The following DEK variants were observed in gnomAD, a reference collection of about 807,000 sequenced individuals.
DEK encodes DEK proto-oncogene, also known as protein DEK.
DEK carries 28 observed loss-of-function variants against 46.8 expected under a neutral mutation model. The observed-to-expected ratio is 0.60, with a 90% CI of 0.44 to 0.82. DEK has a LOEUF of 0.82. DEK is among the 40% of genes least tolerant of loss of function. DEK has a pLI of 0.00. For missense variants in DEK, 416 were observed against 430.6 expected, an observed-to-expected ratio of 0.97 and a Z score of 0.30; for synonymous variants, 160 against 144.5, an observed-to-expected ratio of 1.11 and a Z score of -0.77.
chr6:18,224,493 G>T lies in DEK; in HGVS notation c.*1226C>A. The T allele has an allele frequency of 5.0e-6, 1 of 200,900 alleles. No individual in the cohort carries two copies. Among genetic ancestry groups the T allele is most frequent in the Middle Eastern group, 1.8e-3 (1 of 570 alleles). The allele number at this position is 200,900 out of a possible 1,614,324, so 12.4% of individuals were successfully genotyped here. Reference sequence around the variant, plus strand: ...CTGATTTAAGACAGTAAATTTGAAAGACAAAATTAAGTCTCATTCAGGAGT... The same window carrying T: ...CTGATTTAAGACAGTAAATTTGAAATACAAAATTAAGTCTCATTCAGGAGT... On this transcript the variant is annotated 3_prime_UTR_variant, in exon 11 of 11. Transcript: ENST00000652689.
intron 2 of DEK, among the ~76,000 whole-genome samples, chr6:18,259,430 A>AAAAATAAAT (rs1554162685): frequency 1.0e-5 from 1 of 96,742 alleles, no homozygotes; most frequent in Non-Finnish European, 2.4e-5. Flanking sequence ...AAAAAAAAAA[A>AAAAATAAAT]AAATCTAGAA....
At chr6:18,227,478 C>T (rs1790192498) in intron 9 of DEK, among the ~76,000 whole-genome samples, 1 of 152,142 alleles carries the variant, frequency 6.6e-6, no homozygotes, top group African/African-American at 2.4e-5. Context: ...CCACTATTAT[C>T]CTATGACCCT....
At chr6:18,247,364 CCTCT>C (rs530385393) in intron 7 of DEK, among the ~76,000 whole-genome samples, 58 of 152,066 alleles carry the variant, frequency 3.8e-4, no homozygotes, top group African/African-American at 1.2e-3. Flanking sequence ...CAAAAAAATC[CCTCT>C]AATAAAATAT....
chr6:18,226,477 G>C (rs1224336133), intron 9 of DEK, among the ~76,000 whole-genome samples: 1 of 152,182 alleles, frequency 6.6e-6, no homozygotes, highest in Non-Finnish European at 1.5e-5. Context: ...AGTCTGGAAT[G>C]AATTAACTAA....
chr6:18,235,018 A>G (rs1469420889), intron 9 of DEK, among the ~76,000 whole-genome samples: 4 of 152,190 alleles, frequency 2.6e-5, no homozygotes, highest in African/African-American at 9.7e-5. Context: ...GGTATTCACA[A>G]AAATCCTTCT....
intron 9 of DEK, among the ~76,000 whole-genome samples, 154 bp downstream of exon 9, chr6:18,236,298 G>C (rs1023955282): frequency 6.6e-6 from 1 of 152,172 alleles, no homozygotes; most frequent in Admixed American, 6.5e-5. Context: ...ATTTTAAGTG[G>C]TATCCCAGCA....
chr6:18,227,002 T>C (rs368641636), intron 9 of DEK, among the ~76,000 whole-genome samples: 11 of 152,296 alleles, frequency 7.2e-5, no homozygotes, highest in African/African-American at 2.4e-4. Context: ...CACCACTCCC[T>C]AATCTCAAGT....
At chr6:18,251,691 T>C (rs184701240) in intron 6 of DEK, among the ~76,000 whole-genome samples, 464 of 152,330 alleles carry the variant, frequency 3.0e-3, no homozygotes, top group Non-Finnish European at 5.4e-3. Context: ...ATAGCACCGT[T>C]TGGAGAAAAG....
chr6:18,263,832 A>G lies in DEK; in HGVS notation c.145+11T>C, dbSNP rs1791981012. ...TGAAAAATTCATCAGTTGGGATGCG[A>G]CTCCCCCCACCTTTTTCCTCCTCCT... On this transcript the variant is annotated intron_variant, in intron 2 of 10. Transcript: ENST00000652689. 1.2e-6 allele frequency: 2 copies of G among 1,608,768 alleles called. No individual in the cohort carries two copies. The highest frequency in any genetic ancestry group is 2.7e-5 in the African/African-American group (2 of 74,482).
intron 7 of DEK, among the ~76,000 whole-genome samples, chr6:18,239,062 T>A (rs1291936764): frequency 1.3e-5 from 2 of 152,016 alleles, no homozygotes; most frequent in Non-Finnish European, 2.9e-5. Context: ...GTAGCTGGGA[T>A]TACAGGCATG....
At chr6:18,239,219 C>T (rs955563216) in intron 7 of DEK, among the ~76,000 whole-genome samples, 4 of 152,148 alleles carry the variant, frequency 2.6e-5, no homozygotes, top group East Asian at 1.9e-4. Context: ...CCACTGTGCC[C>T]GGCCAAGTCA....
intron 1 of DEK, 76 bp from the exon 2 acceptor site, chr6:18,264,072 T>C: frequency 7.4e-7 from 1 of 1,348,984 alleles, no homozygotes; most frequent in Non-Finnish European, 9.9e-7. Flanking sequence ...CCCTGAATGA[T>C]GCTACCCTTC....
At chr6:18,231,012 A>C (rs1439690024) in intron 9 of DEK, among the ~76,000 whole-genome samples, 1 of 148,104 alleles carries the variant, frequency 6.8e-6, no homozygotes, top group African/African-American at 2.4e-5. Context: ...AATTTTAACA[A>C]ACTCTCTCTC....
At chr6:18,251,407 A>T (rs1342138820) in intron 6 of DEK, among the ~76,000 whole-genome samples, 1 of 152,176 alleles carries the variant, frequency 6.6e-6, no homozygotes, top group African/African-American at 2.4e-5. Flanking sequence ...AAAATTAAGA[A>T]AAAGTGGCTG....
Position 18,264,503 on chromosome 6 carries a change from G to A in DEK, c.-128C>T, listed in dbSNP as rs550263581. ...CGCTGTCTGGCGTGACGCTCGCGCC[G>A]CGCGCTCGGCTCCCCAGAATCAACA... is the stretch of plus-strand genomic sequence containing the variant. On this transcript the variant is annotated 5_prime_UTR_variant, in exon 1 of 11. Coordinates refer to ENST00000652689, the MANE Select transcript of DEK (RefSeq NM_003472.4). 4 of 247,220 alleles carry A rather than the reference G, an allele frequency of 1.6e-5. No individual in the cohort carries two copies. Among genetic ancestry groups the A allele is most frequent in the Non-Finnish European group, 2.4e-5 (3 of 123,276 alleles). The allele number at this position is 247,220 out of a possible 1,614,324, so 15.3% of individuals were successfully genotyped here.
chr6:18,240,717 A>T (rs1160164258), intron 7 of DEK, among the ~76,000 whole-genome samples: 1 of 152,202 alleles, frequency 6.6e-6, no homozygotes, highest in African/African-American at 2.4e-5. Context: ...ACACTTTAGG[A>T]GGCTGAGATG....
chr6:18,264,284 T>G, intron 1 of DEK, 101 bp downstream of exon 1: 3 of 183,092 alleles, frequency 1.6e-5, no homozygotes, highest in Non-Finnish European at 2.2e-5. Flanking sequence ...GCCCTCCACG[T>G]CCCCTCCCCC....
At chr6:18,249,502 A>G (rs1685779902) in intron 7 of DEK, 149 bp downstream of exon 7, 1 of 1,207,888 alleles carries the variant, frequency 8.3e-7, no homozygotes, top group Non-Finnish European at 1.1e-6. Flanking sequence ...CTCTTTAAGG[A>G]AAAGAAATGG....
chr6:18,255,044 G>A (rs1791543910), intron 6 of DEK, among the ~76,000 whole-genome samples: 1 of 152,106 alleles, frequency 6.6e-6, no homozygotes, highest in Non-Finnish European at 1.5e-5. Flanking sequence ...TTCCTGTCAA[G>A]ATGGGGAAGA....
Sources: gnomAD v4.1 joint callset for allele counts (sites outside exome capture counted in the v4.1 genomes callset) on GRCh38, gnomAD v4.1.1 for gene constraint, MANE v1.5 for transcripts, NCBI Gene and HGNC (gene_info 2026-07-23, HGNC 2026-07-21) for gene names.